Variants in SELENON observed in about 807,000 individuals in gnomAD.
The protein encoded by SELENON is selenoprotein N, 1.
A neutral mutation model predicts 59.5 loss-of-function variants in SELENON; 44 were observed. The observed-to-expected ratio is 0.74, with a 90% CI of 0.58 to 0.95. The LOEUF is 0.95. SELENON is among the 40% of genes least tolerant of loss of function. SELENON has a pLI of 0.00. For synonymous variants in SELENON, 320 were observed against 305.6 expected, an observed-to-expected ratio of 1.05 and a Z score of -0.49; for missense variants, 674 against 721.4, an observed-to-expected ratio of 0.93 and a Z score of 0.75.
At chr1:25,805,042 C>A (rs935885775) in intron 3 of SELENON, 100 bp from the exon 3 acceptor site, 2 of 1,523,526 alleles carry the variant, frequency 1.3e-6, no homozygotes, top group East Asian at 4.5e-5. Context: ...TACCCCCACC[C>A]CCTGCCTGGC....
At position 25,809,140 on chromosome 1, in the gene SELENON, G is replaced by C; in HGVS notation, c.862G>C (p.Val288Leu). The change falls in exon 6 of 13, where the codon GTG (valine) becomes CTG (leucine). Residue 288 changes from valine (V) to leucine (L), a missense_variant. By Grantham distance (32) the Val-to-Leu change is conservative. Transcript: ENST00000361547. The stretch of plus-strand genomic sequence containing the variant: ...TGCCATCAGCGACTTCTACTACACT[G>C]TGATGTTCCGGTGAGTGGGCCACAC... The C allele has an allele frequency of 6.2e-7, 1 of 1,613,746 alleles. No homozygotes were observed. Among genetic ancestry groups the C allele is most frequent in the Non-Finnish European group, 8.5e-7 (1 of 1,180,014 alleles).
intron 2 of SELENON, chr1:25,801,993 CTTT>C (rs746918551): frequency 3.4e-3 from 759 of 224,916 alleles, no homozygotes; most frequent in South Asian, 7.4e-3. Flanking sequence ...GCAGCTATAA[CTTT>C]TTTTTTTTTT....
intron 4 of SELENON, 85 bp from the exon 4 acceptor site, chr1:25,808,495 T>G: frequency 6.5e-7 from 1 of 1,531,936 alleles, no homozygotes; most frequent in Non-Finnish European, 9.0e-7. Flanking sequence ...GGCTCGGGGC[T>G]TGAGGGAGAC....
rs938990836 is a variant in SELENON at position 25,807,162 on chromosome 1, C to T, written c.538-1418C>T. Among the ~76,000 whole-genome samples the T allele has an allele frequency of 3.9e-5, 6 of 152,192 alleles. No homozygotes were observed. The highest frequency in any genetic ancestry group is 5.9e-5 in the Non-Finnish European group (4 of 68,010). On this transcript the variant is annotated intron_variant, in intron 4 of 12. Transcript: ENST00000361547. This position sits in a 1 kb window ranked among gnomAD's most constrained non-coding sequence, Gnocchi z 4.5. ...CCGGGAGCCCCTTTCTTAACCTCAT[C>T]GCTGCAGGTTCAGGGAGGGACAGAA...
intron 8 of SELENON, 62 bp from the exon 8 acceptor site, chr1:25,811,629 G>A (rs2047960539): frequency 6.2e-6 from 10 of 1,600,908 alleles, no homozygotes; most frequent in Non-Finnish European, 8.6e-6. Flanking sequence ...GGTCTCTAGG[G>A]GAGCCCCTGA....
In SELENON at chr1:25,809,014, C is replaced by T. The variant is rs192942153; in HGVS notation, c.748-12C>T. ...ACCCAGCAAGCCAGTACGTGCCTCC[C>T]GCCGCCCCCAGGTCATCATCCACCG... On this transcript the variant is annotated splice_polypyrimidine_tract_variant and intron_variant, in intron 5 of 12. Coordinates refer to ENST00000361547, the MANE Select transcript of SELENON (RefSeq NM_020451.3). 133 of 1,613,538 alleles carry T rather than the reference C, an allele frequency of 8.2e-5. No individual in the cohort carries two copies. The highest frequency in any genetic ancestry group is 3.9e-4 in the African/African-American group (29 of 75,070).
chr1:25,815,525 G>A, intron 12 of SELENON, 23 bp from the exon 12 acceptor site: 1 of 1,613,342 alleles, frequency 6.2e-7, no homozygotes, highest in East Asian at 2.2e-5. Flanking sequence ...CGCCCCACTT[G>A]CCTCACCCGG....
intron 7 of SELENON, among the ~76,000 whole-genome samples, chr1:25,810,956 C>G (rs1386899472): frequency 4.6e-5 from 7 of 152,174 alleles, no homozygotes; most frequent in Non-Finnish European, 1.0e-4. Flanking sequence ...CCGGGGGTTA[C>G]CTAGCTCTGC....
Position 25,809,112 on chromosome 1 carries a change from G to T in SELENON, c.834G>T (p.Leu278=). 6.2e-7 allele frequency: 1 copy of T among 1,613,808 alleles called. No individual in the cohort carries two copies. The highest frequency in any genetic ancestry group is 2.2e-5 in the East Asian group (1 of 44,882). ...CCCCTCAGGGAGCTGTGGCCTGCCT[G>T]ACTGCCATCAGCGACTTCTACTACA... The change falls in exon 6 of 13, where the codon CTG becomes CTT. Residue 278 remains leucine, a synonymous_variant. Transcript: ENST00000361547.
chr1:25,814,187 C>A lies in SELENON; in HGVS notation c.1602+9C>A, dbSNP rs1022224983. 1 of 1,610,884 alleles carries A rather than the reference C, an allele frequency of 6.2e-7. No homozygotes were observed. The highest frequency in any genetic ancestry group is 1.3e-5 in the African/African-American group (1 of 74,828). On this transcript the variant is annotated intron_variant, in intron 12 of 12. Transcript: ENST00000361547. ...TGCCCAATGGCACCGTGGTAGGCAC[C>A]CCCACTCAGACCCCACAGGGCCCAG...
chr1:25,808,878 G>A (rs2124447723), intron 5 of SELENON, 89 bp downstream of exon 4: 3 of 1,579,328 alleles, frequency 1.9e-6, no homozygotes, highest in East Asian at 4.5e-5. Context: ...CCAGTGCCAG[G>A]CCTGCTCCAC....
chr1:25,815,585 C>T lies in SELENON; in HGVS notation c.1640C>T (p.Thr547Ile). ...AATGCCAACTACTTCTTGGACATCA[C>T]CTCCGTGAAGCCCGAGGAAATCGAG... The change falls in exon 13 of 13, where the codon ACC (threonine) becomes ATC (isoleucine). Residue 547 changes from threonine (T) to isoleucine (I), a missense_variant. By Grantham distance (89) the Thr-to-Ile change is moderately conservative. Coordinates refer to ENST00000361547, the MANE Select transcript of SELENON (RefSeq NM_020451.3). The T allele has an allele frequency of 6.2e-7, 1 of 1,614,212 alleles. No homozygotes were observed. Among genetic ancestry groups the T allele is most frequent in the Non-Finnish European group, 8.5e-7 (1 of 1,180,040 alleles).
intron 3 of SELENON, among the ~76,000 whole-genome samples, chr1:25,804,662 CAA>C (rs1415033674): frequency 6.0e-5 from 6 of 100,262 alleles, no homozygotes; most frequent in African/African-American, 7.3e-5. Flanking sequence ...CCCCCCGCCG[CAA>C]AAAAAAAAAA....
In SELENON at chr1:25,815,753, C is replaced by G; in HGVS notation, c.*35C>G. On this transcript the variant is annotated 3_prime_UTR_variant, in exon 13 of 13. Transcript: ENST00000361547. ...ACGGGATCTGATGCACAGGCCCCCA[C>G]GCCTCAGAGCCAGAGTGGTCCTCAG... 6.2e-7 allele frequency: 1 copy of G among 1,608,562 alleles called. No homozygotes were observed. The highest frequency in any genetic ancestry group is 8.5e-7 in the Non-Finnish European group (1 of 1,177,802).
At chr1:25,813,671 C>T (rs997638450) in intron 10 of SELENON, 2 of 637,442 alleles carry the variant, frequency 3.1e-6, no homozygotes, top group Non-Finnish European at 5.8e-6. Context: ...CAGGTAGAAC[C>T]CCTAACCCTA....
In SELENON at chr1:25,807,590, G is replaced by A. The variant is rs934798343; in HGVS notation, c.538-990G>A. ...CCCAGCAAGCCCAGCACCCATCGCT[G>A]GCAGGTCCCCTGCAGGGGGTGGCAA... On this transcript the variant is annotated intron_variant, in intron 4 of 12. Transcript: ENST00000361547. The surrounding 1 kb of genome is among the most constrained non-coding windows in gnomAD (Gnocchi z 4.5). Among the ~76,000 whole-genome samples, 1 of 152,210 alleles carries A rather than the reference G, an allele frequency of 6.6e-6. No homozygotes were observed. Among genetic ancestry groups the A allele is most frequent in the Non-Finnish European group, 1.5e-5 (1 of 68,026 alleles).
intron 3 of SELENON, among the ~76,000 whole-genome samples, chr1:25,804,650 C>CG (rs2047888207): frequency 8.3e-6 from 1 of 119,864 alleles, no homozygotes; most frequent in Non-Finnish European, 1.8e-5. Flanking sequence ...CCCCGCCCCC[C>CG]CCCCCCCGCC....
intron 1 of SELENON, 101 bp from the exon 2 acceptor site, chr1:25,800,942 A>C: frequency 1.1e-6 from 1 of 941,174 alleles, no homozygotes; most frequent in Non-Finnish European, 1.8e-6. Context: ...GAGCTCAGGA[A>C]GATGGTGGGA....
At chr1:25,808,180 C>T (rs2047924178) in intron 4 of SELENON, among the ~76,000 whole-genome samples, 1 of 152,226 alleles carries the variant, frequency 6.6e-6, no homozygotes, top group South Asian at 2.1e-4. Context: ...AGGGTGGTGG[C>T]ACCCAAGGCT....
Sources: allele counts gnomAD v4.1 joint callset (sites outside exome capture counted in the v4.1 genomes callset), GRCh38; gene constraint gnomAD v4.1.1; non-coding constraint Gnocchi (gnomAD v3.1); transcripts MANE v1.5; gene names NCBI Gene and HGNC (gene_info 2026-07-23, HGNC 2026-07-21).